Variants in STYX observed in about 807,000 individuals in gnomAD.
STYX encodes serine/threonine/tyrosine interacting protein, also known as serine/threonine/tyrosine-interacting protein.
In STYX, 20 loss-of-function variants were observed where a neutral mutation model predicts 42.7. The ratio of observed to expected loss-of-function variants is 0.47; its 90% CI spans 0.33 to 0.68. The LOEUF (loss-of-function observed/expected upper bound fraction) is 0.68, where lower values mean the gene tolerates loss of function less well. Among genes scored for constraint, STYX ranks in the 30% least tolerant of loss-of-function variants. The pLI is 0.02. For missense variants in STYX, 226 were observed against 268.5 expected (o/e 0.84, Z 1.11); for synonymous variants, 78 against 81.9 (o/e 0.95, Z 0.26).
intron 1 of STYX, among the ~76,000 whole-genome samples, chr14:52,740,140 G>A (rs1424440327): frequency 6.6e-6 from 1 of 152,132 alleles, no homozygotes; most frequent in Non-Finnish European, 1.5e-5. Flanking sequence ...AGCCAGGTTT[G>A]GTGGTGGGCG....
rs570503762 is a variant in STYX at position 52,741,230 on chromosome 14, A to ATATT, written c.58-3621_58-3620insATTT. On this transcript the variant is annotated intron_variant, in intron 1 of 10. Coordinates refer to ENST00000354586, the MANE Select transcript of STYX (RefSeq NM_145251.4). ...TGTTTTTATATATATATATATATAT[A>ATATT]TTTTTTTTTTGGTAAAGCCTAGGAG... Among the ~76,000 whole-genome samples the ATATT allele has an allele frequency of 8.6e-5, 12 of 140,310 alleles. No homozygotes were observed. In the East Asian group the frequency reaches 1.8e-3, roughly 21 times the overall value. The allele number at this position is 140,310 out of a possible 152,430, so 92.0% of individuals were successfully genotyped here. A position where few individuals can be genotyped will look rare whatever the true frequency, so the allele number is the denominator to read the frequency against.
chr14:52,769,857 T>C (rs1482520124), intron 10 of STYX, among the ~76,000 whole-genome samples: 3 of 152,138 alleles, frequency 2.0e-5, no homozygotes, highest in Non-Finnish European at 4.4e-5. Context: ...ATTTCTAATA[T>C]TGATATTTTT....
intron 4 of STYX, among the ~76,000 whole-genome samples, chr14:52,752,457 C>T (rs970165685): frequency 2.6e-5 from 4 of 151,924 alleles, no homozygotes; most frequent in Admixed American, 6.6e-5. Context: ...GAGCAAGACT[C>T]TGTCTCAAAA....
At chr14:52,730,702 C>T (rs1880663315) in intron 1 of STYX, among the ~76,000 whole-genome samples, 171 bp downstream of exon 1, 2 of 152,236 alleles carry the variant, frequency 1.3e-5, no homozygotes, top group African/African-American at 2.4e-5. Context: ...CTGAGTTGCT[C>T]GTCCTCTCCA....
intron 1 of STYX, among the ~76,000 whole-genome samples, chr14:52,742,762 T>C (rs1881242415): frequency 6.6e-6 from 1 of 151,902 alleles, no homozygotes; most frequent in African/African-American, 2.4e-5. Flanking sequence ...TCAGGATAAC[T>C]GGCCTCCTTC....
intron 9 of STYX, 79 bp downstream of exon 9, chr14:52,759,833 C>A (rs901296187): frequency 3.6e-5 from 32 of 880,360 alleles, no homozygotes; most frequent in Admixed American, 2.9e-4. Context: ...GTACAATTTA[C>A]TTTGTGAATA....
In STYX at chr14:52,756,557, A is replaced by T. The variant is rs747717671; in HGVS notation, c.249A>T (p.Leu83Phe). The change falls in exon 5 of 11, where the codon TTA becomes TTT. Residue 83 changes from leucine (L) to phenylalanine (F), a missense_variant. Coordinates refer to ENST00000354586, the MANE Select transcript of STYX (RefSeq NM_145251.4). ...CAAAATACTCTATTTTCAGATATTT[A>T]GTCCTGGATATTGCAGATAATCCAG... ...KPNFQQLFRY[L>F]VLDIADNPVE... 1 of 1,521,914 alleles carries T rather than the reference A, an allele frequency of 6.6e-7. No individual in the cohort carries two copies. Among genetic ancestry groups the T allele is most frequent in the East Asian group, 2.4e-5 (1 of 42,230 alleles). 94.3% of individuals were successfully genotyped at this position (1,521,914 alleles called of 1,614,324 possible). A position where few individuals can be genotyped will look rare whatever the true frequency, so the allele number is the denominator to read the frequency against.
intron 10 of STYX, 138 bp downstream of exon 10, chr14:52,769,071 T>C: frequency 1.6e-6 from 1 of 610,410 alleles, no homozygotes; most frequent in African/African-American, 1.9e-5. Context: ...AAGGATTCAT[T>C]TTATAATGAA....
At chr14:52,733,952 T>C (rs1398040538) in intron 1 of STYX, among the ~76,000 whole-genome samples, 1 of 152,110 alleles carries the variant, frequency 6.6e-6, no homozygotes, top group Admixed American at 6.5e-5. Flanking sequence ...AAATACCCCC[T>C]AGAACTTTCC....
At chr14:52,733,352 C>T (rs1880810505) in intron 1 of STYX, among the ~76,000 whole-genome samples, 1 of 151,944 alleles carries the variant, frequency 6.6e-6, no homozygotes, top group African/African-American at 2.4e-5. Flanking sequence ...TTTTTTTATG[C>T]TACCAGATGT....
chr14:52,752,476 A>C (rs948669141), intron 4 of STYX, among the ~76,000 whole-genome samples: 2 of 152,196 alleles, frequency 1.3e-5, no homozygotes, highest in African/African-American at 2.4e-5. Flanking sequence ...AAATAAAAAA[A>C]AAAATTTAAT....
At chr14:52,755,121 G>GTTTTTTTTTT (rs537098365) in intron 4 of STYX, among the ~76,000 whole-genome samples, 9 of 139,306 alleles carry the variant, frequency 6.5e-5, no homozygotes, top group East Asian at 2.1e-4. Flanking sequence ...TTGTTTTTTT[G>GTTTTTTTTTT]TTTTTTTTTT....
chr14:52,750,174 T>G (rs1408254867), intron 3 of STYX, among the ~76,000 whole-genome samples: 1 of 152,210 alleles, frequency 6.6e-6, no homozygotes, highest in Non-Finnish European at 1.5e-5. Flanking sequence ...AAAGGTTAAT[T>G]AGATTCTGTG....
Position 52,730,254 on chromosome 14 carries a change from CG to C in STYX, c.-218del. The C allele has an allele frequency of 1.8e-6, 1 of 570,760 alleles. No homozygotes were observed. Among genetic ancestry groups the C allele is most frequent in the East Asian group, 3.0e-5 (1 of 33,126 alleles). 35.4% of individuals were successfully genotyped at this position (570,760 alleles called of 1,614,324 possible). On this transcript the variant is annotated 5_prime_UTR_variant, in exon 1 of 11. It introduces an in-frame stop codon into an upstream open reading frame of the 5' UTR. Coordinates refer to ENST00000354586, the MANE Select transcript of STYX (RefSeq NM_145251.4). The stretch of plus-strand genomic sequence containing the variant: ...AGGGAGACGGCAGCGGCATGGCGGC[CG>C]GGTGTAAGACGCCCGACCCTCCTCT...
chr14:52,731,949 CTTTTT>C (rs11354417), intron 1 of STYX, among the ~76,000 whole-genome samples: 1 of 136,314 alleles, frequency 7.3e-6, no homozygotes, highest in Non-Finnish European at 1.6e-5. Context: ...GCTAATTTTT[CTTTTT>C]TTTTTTTTTT....
intron 9 of STYX, among the ~76,000 whole-genome samples, chr14:52,762,622 G>T (rs1442293714): frequency 6.6e-6 from 1 of 150,992 alleles, no homozygotes; most frequent in Non-Finnish European, 1.5e-5. Flanking sequence ...TACTATCTCT[G>T]TCACAGTGTT....
At chr14:52,731,948 TC>T (rs1168276929) in intron 1 of STYX, among the ~76,000 whole-genome samples, 3 of 97,202 alleles carry the variant, frequency 3.1e-5, no homozygotes, top group African/African-American at 9.7e-5. Context: ...GGCTAATTTT[TC>T]TTTTTTTTTT....
At chr14:52,733,870 T>A (rs1178854588) in intron 1 of STYX, among the ~76,000 whole-genome samples, 1 of 152,048 alleles carries the variant, frequency 6.6e-6, no homozygotes, top group Non-Finnish European at 1.5e-5. Flanking sequence ...AAAAGTACAC[T>A]CCACAGTGTG....
In STYX at chr14:52,730,478, G is replaced by A. The variant is rs769056056; in HGVS notation, c.4G>A (p.Glu2Lys). 1 of 1,613,704 alleles carries A rather than the reference G, an allele frequency of 6.2e-7. No individual in the cohort carries two copies. Residue 2 changes from glutamate (E) to lysine (K), a missense_variant, in exon 1 of 11, where the codon GAG (glutamate) becomes AAG (lysine). By Grantham distance (56) the Glu-to-Lys change is moderately conservative (BLOSUM62 1). Transcript: ENST00000354586. The part of the protein sequence containing the change: M[E>K]DVKLEFPSLP... ...CACCAGCCCGCGGGCCAGCACCATG[G>A]AGGACGTGAAGCTGGAGTTCCCTTC... is the stretch of plus-strand genomic sequence containing the variant.
Sources: allele counts gnomAD v4.1 joint callset (sites outside exome capture counted in the v4.1 genomes callset), GRCh38; gene constraint gnomAD v4.1.1; transcripts MANE v1.5; gene names NCBI Gene and HGNC (gene_info 2026-07-23, HGNC 2026-07-21).